The following ROBO2 variants were observed in gnomAD, a reference collection of about 807,000 sequenced individuals.
The protein encoded by ROBO2 is roundabout homolog 2.
A neutral mutation model predicts 160.8 loss-of-function variants in ROBO2; 53 were observed. The observed-to-expected ratio is 0.33, with a 90% confidence interval of 0.26 to 0.41. ROBO2 has a LOEUF of 0.41. Among genes scored for constraint, ROBO2 ranks in the 10% least tolerant of loss-of-function variants. The probability of loss-of-function intolerance (pLI) is 1.00; values close to 1 mark genes in which losing one functional copy is unlikely to be tolerated. For missense variants in ROBO2, 1,577 were observed against 1,722.4 expected, an observed-to-expected ratio of 0.92 and a Z score of 1.49; for synonymous variants, 664 against 611.7, an observed-to-expected ratio of 1.09 and a Z score of -1.26.
chr3:76,995,350 T>C (rs1241864003), intron 2 of ROBO2, among the ~76,000 whole-genome samples: 4 of 152,188 alleles, frequency 2.6e-5, no homozygotes, highest in Admixed American at 6.5e-5. Flanking sequence ...CAGTCTATCA[T>C]TGATGGACAT....
chr3:77,296,464 C>T (rs1159836627), intron 2 of ROBO2, among the ~76,000 whole-genome samples: 1 of 152,146 alleles, frequency 6.6e-6, no homozygotes, highest in Admixed American at 6.6e-5. Flanking sequence ...CACACTGCTG[C>T]ACATTGGACT....
At chr3:76,092,017 A>G (rs1374523646) in intron 2 of ROBO2, among the ~76,000 whole-genome samples, 2 of 152,138 alleles carry the variant, frequency 1.3e-5, no homozygotes, top group African/African-American at 2.4e-5. Flanking sequence ...GACATTATAC[A>G]TTTCTCAAAA....
intron 2 of ROBO2, among the ~76,000 whole-genome samples, chr3:76,166,628 A>G (rs1456453486): frequency 6.6e-6 from 1 of 152,212 alleles, no homozygotes; most frequent in Non-Finnish European, 1.5e-5. Flanking sequence ...CCGTTCAGCT[A>G]TAATTTCCAG....
intron 2 of ROBO2, among the ~76,000 whole-genome samples, chr3:76,946,251 C>T (rs1323848861): frequency 1.3e-5 from 2 of 152,044 alleles, no homozygotes; most frequent in East Asian, 1.9e-4. Context: ...AATAACTATC[C>T]CCAGTCTTGT....
chr3:76,647,259 A>G, intron 2 of ROBO2, among the ~76,000 whole-genome samples: 1 of 152,168 alleles, frequency 6.6e-6, no homozygotes, highest in Non-Finnish European at 1.5e-5. Context: ...TGCAAACTGG[A>G]TTCCACTGCT....
At chr3:76,368,345 A>G (rs756947653) in intron 2 of ROBO2, among the ~76,000 whole-genome samples, 1 of 151,938 alleles carries the variant, frequency 6.6e-6, no homozygotes, top group Non-Finnish European at 1.5e-5. Context: ...AACAAAAACT[A>G]TTTATCATAG....
At chr3:76,065,202 A>G (rs1193344036) in intron 2 of ROBO2, among the ~76,000 whole-genome samples, 6 of 152,098 alleles carry the variant, frequency 3.9e-5, no homozygotes. Context: ...AGAGTTAACT[A>G]GATTTCCTCC....
intron 2 of ROBO2, among the ~76,000 whole-genome samples, chr3:77,010,347 C>T (rs1020226384): frequency 1.5e-4 from 23 of 152,178 alleles, no homozygotes; most frequent in Non-Finnish European, 3.1e-4. Flanking sequence ...TTCTGCTTCT[C>T]CTCCTGAAGG....
intron 1 of ROBO2, among the ~76,000 whole-genome samples, chr3:77,085,267 T>A (rs968491835): frequency 5.9e-5 from 9 of 152,156 alleles, no homozygotes; most frequent in Admixed American, 5.2e-4. Flanking sequence ...TACTTATTTA[T>A]TATTTTAATG....
At chr3:77,126,491 T>G (rs2150315388) in intron 2 of ROBO2, among the ~76,000 whole-genome samples, 1 of 152,240 alleles carries the variant, frequency 6.6e-6, no homozygotes, top group South Asian at 2.1e-4. Flanking sequence ...GTTCATATTT[T>G]TAGTTGTTTT....
chr3:76,072,183 T>C (rs1041093606), intron 2 of ROBO2, among the ~76,000 whole-genome samples: 8 of 152,086 alleles, frequency 5.3e-5, no homozygotes, highest in African/African-American at 1.9e-4. Flanking sequence ...AACAAAGTTT[T>C]CCTTGGCTTT....
intron 2 of ROBO2, among the ~76,000 whole-genome samples, chr3:76,967,234 T>C (rs1436677424): frequency 6.6e-6 from 1 of 151,990 alleles, no homozygotes; most frequent in Non-Finnish European, 1.5e-5. Context: ...ATGTGCCTTT[T>C]TTTTTTTTTT....
chr3:76,218,925 A>G (rs1196403146), intron 2 of ROBO2, among the ~76,000 whole-genome samples: 2 of 152,234 alleles, frequency 1.3e-5, no homozygotes, highest in Non-Finnish European at 2.9e-5. Flanking sequence ...CTACAAGGCT[A>G]CAGTAACCAA....
At chr3:75,987,375 G>A (rs1289539309) in intron 2 of ROBO2, among the ~76,000 whole-genome samples, 1 of 151,830 alleles carries the variant, frequency 6.6e-6, no homozygotes, top group Non-Finnish European at 1.5e-5. Flanking sequence ...TGAAACTAAT[G>A]TTTACGTGTT....
intron 2 of ROBO2, among the ~76,000 whole-genome samples, chr3:77,018,151 G>A (rs550625201): frequency 1.3e-5 from 2 of 152,144 alleles, no homozygotes; most frequent in Non-Finnish European, 2.9e-5. Flanking sequence ...CGCCCAGGCT[G>A]GAGTGCAGTG....
At chr3:76,662,257 A>G (rs2091855996) in intron 2 of ROBO2, among the ~76,000 whole-genome samples, 1 of 152,272 alleles carries the variant, frequency 6.6e-6, no homozygotes, top group South Asian at 2.1e-4. Flanking sequence ...GGAAAGCTCT[A>G]TTCTGAGGCC....
At chr3:77,141,292 C>G (rs558793433) in intron 2 of ROBO2, among the ~76,000 whole-genome samples, 1 of 151,948 alleles carries the variant, frequency 6.6e-6, no homozygotes, top group East Asian at 1.9e-4. Context: ...AGCCCCCCCC[C>G]CTTGTAATAG....
At chr3:77,557,031 T>C (rs1470532794) in intron 8 of ROBO2, among the ~76,000 whole-genome samples, 1 of 151,866 alleles carries the variant, frequency 6.6e-6, no homozygotes, top group Non-Finnish European at 1.5e-5. Flanking sequence ...TTCTTAACCA[T>C]GTAAATAATA....
intron 5 of ROBO2, among the ~76,000 whole-genome samples, chr3:77,519,586 A>G (rs2090378404): frequency 6.6e-6 from 1 of 151,046 alleles, no homozygotes; most frequent in Admixed American, 6.6e-5. Flanking sequence ...TTCACCTTCC[A>G]CTTATAAGTG....
Sources: allele counts gnomAD v4.1 joint callset (sites outside exome capture counted in the v4.1 genomes callset), GRCh38; gene constraint gnomAD v4.1.1; transcripts MANE v1.5; gene names NCBI Gene and HGNC (gene_info 2026-07-23, HGNC 2026-07-21).